The following ROR2 variants were observed in gnomAD, a reference collection of about 807,000 sequenced individuals.
ROR2 encodes the protein tyrosine-protein kinase transmembrane receptor ROR2.
A neutral mutation model predicts 74.9 loss-of-function variants in ROR2; 33 were observed. The ratio of observed to expected loss-of-function variants is 0.44; its 90% confidence interval spans 0.33 to 0.59. ROR2 has a LOEUF of 0.59. ROR2 is among the 20% of genes least tolerant of loss of function. The pLI, the probability that ROR2 is intolerant of heterozygous loss-of-function variation, is 0.02. For synonymous variants in ROR2, 586 were observed against 558.7 expected, an observed-to-expected ratio of 1.05 and a Z score of -0.69; for missense variants, 1,216 against 1,313.8, an observed-to-expected ratio of 0.93 and a Z score of 1.15.
At chr9:91,928,659 G>T (rs1007276708) in intron 1 of ROR2, among the ~76,000 whole-genome samples, 2 of 152,200 alleles carry the variant, frequency 1.3e-5, no homozygotes, top group African/African-American at 4.8e-5. Context: ...TTCCCCATCT[G>T]TAAAAGGGAC....
intron 5 of ROR2, among the ~76,000 whole-genome samples, chr9:91,735,598 G>C (rs1480053161): frequency 7.6e-6 from 1 of 132,170 alleles, no homozygotes; most frequent in East Asian, 2.6e-4. Context: ...TCCTACTAAG[G>C]GCTCTAACTT....
At chr9:91,738,126 G>A (rs910026859) in intron 4 of ROR2, among the ~76,000 whole-genome samples, 1 of 152,080 alleles carries the variant, frequency 6.6e-6, no homozygotes, top group Non-Finnish European at 1.5e-5. Flanking sequence ...AAAACATAAA[G>A]AATAAGCCCT....
chr9:91,802,724 G>A (rs924553688), intron 1 of ROR2, among the ~76,000 whole-genome samples: 17 of 152,144 alleles, frequency 1.1e-4, no homozygotes, highest in African/African-American at 3.1e-4. Context: ...GCAGTGGCAC[G>A]AGGTGCGCAG....
chr9:91,726,071 T>C (rs1209097804), intron 8 of ROR2, among the ~76,000 whole-genome samples: 1 of 152,270 alleles, frequency 6.6e-6, no homozygotes, highest in Non-Finnish European at 1.5e-5. Context: ...AAGGCTGCTC[T>C]GGGATGAGGG....
chr9:91,868,790 C>G (rs1722423771), intron 1 of ROR2, among the ~76,000 whole-genome samples: 1 of 152,168 alleles, frequency 6.6e-6, no homozygotes, highest in Non-Finnish European at 1.5e-5. Context: ...TGTCAGCAGA[C>G]TTGCAGTGGA....
intron 1 of ROR2, among the ~76,000 whole-genome samples, chr9:91,806,596 G>A (rs959206017): frequency 2.6e-5 from 4 of 152,056 alleles, no homozygotes; most frequent in African/African-American, 9.7e-5. Flanking sequence ...AGTTTTGTTT[G>A]TTTGTTTGTT....
chr9:91,794,952 T>A (rs1424727696), intron 1 of ROR2, among the ~76,000 whole-genome samples: 1 of 152,022 alleles, frequency 6.6e-6, no homozygotes, highest in Non-Finnish European at 1.5e-5. Flanking sequence ...TGAAACCCAG[T>A]CTCTACTAAA....
intron 1 of ROR2, among the ~76,000 whole-genome samples, chr9:91,857,535 G>C (rs1350374697): frequency 6.6e-6 from 1 of 152,212 alleles, no homozygotes. Flanking sequence ...CAGGCACCAT[G>C]AGAAAAAGGC....
intron 1 of ROR2, among the ~76,000 whole-genome samples, chr9:91,916,614 T>C (rs542412307): frequency 6.6e-6 from 1 of 152,228 alleles, no homozygotes; most frequent in Non-Finnish European, 1.5e-5. Flanking sequence ...GGTTCCATTA[T>C]GTACGGTTTT....
rs143646216 is a variant in ROR2, at chr9:91,882,139, C to T, written c.97+67728G>A. On this transcript the variant is annotated intron_variant, in intron 1 of 8. Transcript: ENST00000375708. The stretch of plus-strand genomic sequence containing the variant: ...GAACTAGCCTATGACCAGCCAGGCA[C>T]GGTGGATCATGCCTGTAATTCTAAC... 3.3e-5 allele frequency among the ~76,000 whole-genome samples: 5 copies of T among 152,102 alleles called. No individual in the cohort carries two copies. The East Asian group carries it at 5.8e-4, about 18-fold the overall frequency.
intron 7 of ROR2, 52 bp from the exon 8 acceptor site, chr9:91,726,795 C>CT (rs753476151): frequency 1.3e-6 from 2 of 1,569,170 alleles, no homozygotes; most frequent in Admixed American, 1.7e-5. Flanking sequence ...CTTTTCTACT[C>CT]TAAGTTCTCT....
intron 1 of ROR2, among the ~76,000 whole-genome samples, chr9:91,843,493 G>C (rs1298788403): frequency 6.6e-6 from 1 of 152,162 alleles, no homozygotes; most frequent in Non-Finnish European, 1.5e-5. Flanking sequence ...AAGAAATGCT[G>C]ATCTAGATGA....
intron 7 of ROR2, among the ~76,000 whole-genome samples, chr9:91,729,089 TAAA>T (rs5899140): frequency 6.9e-5 from 10 of 144,722 alleles, no homozygotes; most frequent in Admixed American, 1.4e-4. Flanking sequence ...CTACTCACTG[TAAA>T]AAAAAAAAAA....
chr9:91,759,174 G>C (rs1404261012), intron 2 of ROR2, among the ~76,000 whole-genome samples: 1 of 152,190 alleles, frequency 6.6e-6, no homozygotes, highest in African/African-American at 2.4e-5. Context: ...AAGTGTTGTA[G>C]GATCCTCCAG....
At chr9:91,835,760 G>A (rs935373616) in intron 1 of ROR2, among the ~76,000 whole-genome samples, 4 of 152,188 alleles carry the variant, frequency 2.6e-5, no homozygotes, top group African/African-American at 9.7e-5. Flanking sequence ...GTGCACCTGT[G>A]GAGCTCAGGG....
intron 1 of ROR2, among the ~76,000 whole-genome samples, chr9:91,818,356 G>T (rs1474028528): frequency 6.6e-6 from 1 of 152,062 alleles, no homozygotes; most frequent in African/African-American, 2.4e-5. Context: ...GCACAACCAC[G>T]TATCTTTTGC....
At chr9:91,897,838 C>T (rs958033338) in intron 1 of ROR2, among the ~76,000 whole-genome samples, 3 of 152,200 alleles carry the variant, frequency 2.0e-5, no homozygotes, top group African/African-American at 4.8e-5. Flanking sequence ...TCCCTGAGGA[C>T]GGGTCTGCTT....
chr9:91,767,381 AT>A (rs1826093008), intron 2 of ROR2, among the ~76,000 whole-genome samples: 1 of 152,120 alleles, frequency 6.6e-6, no homozygotes, highest in South Asian at 2.1e-4. Flanking sequence ...CCGACTTACG[AT>A]TTTTAAATCC....
intron 4 of ROR2, among the ~76,000 whole-genome samples, chr9:91,747,961 A>G (rs1054926385): frequency 5.3e-5 from 8 of 152,204 alleles, no homozygotes; most frequent in African/African-American, 1.9e-4. Context: ...AAGGATACAA[A>G]ATTTCAGTTA....
Sources: gnomAD v4.1 joint callset for allele counts (sites outside exome capture counted in the v4.1 genomes callset) on GRCh38, gnomAD v4.1.1 for gene constraint, MANE v1.5 for transcripts, NCBI Gene and HGNC (gene_info 2026-07-23, HGNC 2026-07-21) for gene names.